MRTFB: variants seen among roughly 807,000 people sequenced by gnomAD.
MRTFB encodes myocardin related transcription factor B.
In MRTFB, 29 loss-of-function variants were observed where a neutral mutation model predicts 104.2. That is an observed-to-expected ratio of 0.28 (90% confidence interval 0.21 to 0.38). MRTFB has a LOEUF of 0.38. MRTFB is among the 10% of genes least tolerant of loss of function. The pLI, the probability that MRTFB is intolerant of heterozygous loss-of-function variation, is 1.00. For missense variants in MRTFB, 1,270 were observed against 1,341.6 expected, an observed-to-expected ratio of 0.95 and a Z score of 0.83; for synonymous variants, 535 against 519.5, an observed-to-expected ratio of 1.03 and a Z score of -0.41.
chr16:14,159,975 A>G (rs530066866), intron 3 of MRTFB, among the ~76,000 whole-genome samples: 23 of 151,826 alleles, frequency 1.5e-4, no homozygotes, highest in African/African-American at 5.3e-4. Flanking sequence ...AATAAATTAC[A>G]GGTATGCCCA....
At chr16:14,250,520 T>C (rs2043209718) in intron 13 of MRTFB, among the ~76,000 whole-genome samples, 1 of 152,174 alleles carries the variant, frequency 6.6e-6, no homozygotes, top group East Asian at 1.9e-4. Flanking sequence ...AGGGGACCAG[T>C]TTTACATGGG....
the MRTFB span, among the ~76,000 whole-genome samples, chr16:14,054,773 C>T: frequency 1.3e-5 from 2 of 152,162 alleles, no homozygotes; most frequent in African/African-American, 4.8e-5. Flanking sequence ...GAAGCTCCCC[C>T]TTAAAGTTCT....
chr16:14,208,500 T>A (rs1368486244), intron 3 of MRTFB, among the ~76,000 whole-genome samples: 1 of 152,198 alleles, frequency 6.6e-6, no homozygotes, highest in Non-Finnish European at 1.5e-5. Flanking sequence ...AAGGAAAGAT[T>A]TTCCTGCTAG....
At chr16:14,127,929 A>ATATATATATATTT (rs1393344981) in intron 2 of MRTFB, among the ~76,000 whole-genome samples, 1 of 44,638 alleles carries the variant, frequency 2.2e-5, no homozygotes, top group Non-Finnish European at 3.3e-5. Flanking sequence ...ATATATATAT[A>ATATATATATATTT]TTTTTTTTTT....
Position 14,234,225 on chromosome 16 carries a change from C to T in MRTFB, c.773C>T (p.Ala258Val). 1.2e-6 allele frequency: 2 copies of T among 1,614,184 alleles called. No homozygotes were observed. Among genetic ancestry groups the T allele is most frequent in the Non-Finnish European group, 1.7e-6 (2 of 1,180,020 alleles). ...TADQPPPRPA[A>V]PVLPTNTVSS... ...GATCAGCCTCCCCCACGGCCTGCAG[C>T]TCCTGTCCTCCCCACAAACACTGTG... Residue 258 changes from alanine (A) to valine (V), a missense_variant, in exon 9 of 17, where the codon GCT becomes GTT. This residue lies in a region of MRTFB where 1,144 missense variants were observed against 1,131.5 expected (regional missense o/e 1.01). Transcript: ENST00000571589.
At chr16:14,036,296 T>TTATATATATATATATA in the MRTFB span, among the ~76,000 whole-genome samples, 235 of 98,296 alleles carry the variant, frequency 2.4e-3, 7 homozygotes, top group Middle Eastern at 4.9e-3. Flanking sequence ...TTATATATAT[T>TTATATATATATATATA]TATATATATA....
At chr16:14,134,446 C>G (rs1474161534) in intron 2 of MRTFB, among the ~76,000 whole-genome samples, 1 of 152,192 alleles carries the variant, frequency 6.6e-6, no homozygotes, top group African/African-American at 2.4e-5. Flanking sequence ...AAGTTTAATT[C>G]CAGTCATGCT....
chr16:14,251,440 G>A (rs1441645897), intron 13 of MRTFB, among the ~76,000 whole-genome samples: 2 of 143,536 alleles, frequency 1.4e-5, no homozygotes, highest in Admixed American at 6.9e-5. Context: ...AGGAATAGAA[G>A]AAATTCAGCT....
At chr16:14,239,702 T>C (rs2042677445) in intron 9 of MRTFB, among the ~76,000 whole-genome samples, 1 of 152,256 alleles carries the variant, frequency 6.6e-6, no homozygotes, top group Admixed American at 6.5e-5. Flanking sequence ...AGGAAAAATG[T>C]AGTATTTGAA....
At chr16:14,207,371 C>T (rs1020812011) in intron 3 of MRTFB, among the ~76,000 whole-genome samples, 1 of 152,170 alleles carries the variant, frequency 6.6e-6, no homozygotes, top group Non-Finnish European at 1.5e-5. Context: ...TTGGTGTCTA[C>T]GATATTGTGA....
At chr16:14,064,600 T>C in the MRTFB span, among the ~76,000 whole-genome samples, 1 of 152,204 alleles carries the variant, frequency 6.6e-6, no homozygotes, top group Non-Finnish European at 1.5e-5. Flanking sequence ...TGAGGTTTTA[T>C]ATTTAAGTCT....
intron 8 of MRTFB, among the ~76,000 whole-genome samples, chr16:14,221,710 T>C (rs1008363981): frequency 3.3e-5 from 5 of 152,132 alleles, no homozygotes; most frequent in African/African-American, 1.2e-4. Flanking sequence ...GTAAATTTCA[T>C]TGCTGTTGAC....
At chr16:14,233,327 G>A (rs765090052) in intron 8 of MRTFB, among the ~76,000 whole-genome samples, 9 of 152,180 alleles carry the variant, frequency 5.9e-5, no homozygotes, top group African/African-American at 9.7e-5. Context: ...AGTCAGATTT[G>A]GAGAGAGGAA....
the MRTFB span, among the ~76,000 whole-genome samples, chr16:14,008,938 T>TTTTTTTTATTTATTTATTTATTTATTTA: frequency 1.3e-5 from 2 of 148,556 alleles, no homozygotes; most frequent in African/African-American, 2.5e-5. Context: ...TTTTTTAAAA[T>TTTTTTTTATTTATTTATTTATTTATTTA]TTTATGTATT....
At position 14,240,398 on chromosome 16, in the gene MRTFB, G is replaced by A; in HGVS notation, c.993G>A (p.Gln331=). 1 of 1,613,902 alleles carries A rather than the reference G, an allele frequency of 6.2e-7. No homozygotes were observed. Among genetic ancestry groups the A allele is most frequent in the Non-Finnish European group, 8.5e-7 (1 of 1,179,800 alleles). Residue 331 remains glutamine (Q), a synonymous_variant, in exon 10 of 17, where the codon CAG becomes CAA. Transcript: ENST00000571589. ...QMDSNYARLL[Q]QQQLFLQLQI... The stretch of plus-strand genomic sequence containing the variant: ...ACTCTAACTACGCCCGCCTGCTCCA[G>A]CAGCAGCAGCTGTTCCTGCAACTGC...
chr16:14,243,864 G>GTTTGTTTTTTTTTTTTTTT lies in MRTFB; in HGVS notation c.1080-1661_1080-1660insGTTTTTTTTTTTTTTTTTT, dbSNP rs750881308. On this transcript the variant is annotated intron_variant, in intron 10 of 16. Transcript: ENST00000571589. The stretch of plus-strand genomic sequence containing the variant: ...CAGAGATTAGTTTTGCCTGTTTTGG[G>GTTTGTTTTTTTTTTTTTTT]TTTTTTTTTTTTTGAGACAGAGTCT... Among the ~76,000 whole-genome samples, 101 of 124,638 alleles carry GTTTGTTTTTTTTTTTTTTT rather than the reference G, an allele frequency of 8.1e-4. 5 individuals are homozygous for GTTTGTTTTTTTTTTTTTTT. The highest frequency in any genetic ancestry group is 3.7e-3 in the African/African-American group (97 of 26,470). 81.8% of individuals were successfully genotyped at this position (124,638 alleles called of 152,430 possible).
At chr16:14,065,714 C>T in the MRTFB span, among the ~76,000 whole-genome samples, 1 of 152,052 alleles carries the variant, frequency 6.6e-6, no homozygotes. Context: ...CACTGCACTC[C>T]AGCGTGGGCA....
the MRTFB span, among the ~76,000 whole-genome samples, chr16:14,051,946 T>C: frequency 6.6e-6 from 1 of 152,174 alleles, no homozygotes; most frequent in Admixed American, 6.5e-5. Flanking sequence ...ATGCCTTCCC[T>C]CTCGTGAATG....
intron 3 of MRTFB, among the ~76,000 whole-genome samples, chr16:14,197,241 T>C (rs2040479589): frequency 6.6e-6 from 1 of 152,192 alleles, no homozygotes; most frequent in African/African-American, 2.4e-5. Flanking sequence ...CCCAAAGTGC[T>C]GGGATTACAG....
Sources: allele counts gnomAD v4.1 joint callset (sites outside exome capture counted in the v4.1 genomes callset), GRCh38; gene constraint gnomAD v4.1.1; regional missense constraint gnomAD v4.1.1; transcripts MANE v1.5; gene names NCBI Gene and HGNC (gene_info 2026-07-23, HGNC 2026-07-21).